The following KCNAB2 variants were observed in gnomAD, a reference collection of about 807,000 sequenced individuals.
KCNAB2 encodes voltage-gated potassium channel subunit beta-2.
KCNAB2 carries 29 observed loss-of-function variants against 63.6 expected under a neutral mutation model. The observed-to-expected ratio is 0.46, with a 90% CI of 0.34 to 0.62. KCNAB2 has a LOEUF of 0.62. Among genes scored for constraint, KCNAB2 ranks in the 20% least tolerant of loss-of-function variants. The probability of loss-of-function intolerance (pLI) is 0.01; values close to 1 mark genes in which losing one functional copy is unlikely to be tolerated. For missense variants in KCNAB2, 359 were observed against 563.9 expected (o/e 0.64, Z 3.68); for synonymous variants, 222 against 224.2 (o/e 0.99, Z 0.09).
chr1:6,056,333 C>CCG (rs1471906151), intron 2 of KCNAB2, among the ~76,000 whole-genome samples: 1 of 152,214 alleles, frequency 6.6e-6, no homozygotes, highest in Admixed American at 6.5e-5. Context: ...GCGTGAGCCA[C>CCG]CGCGCCCGGC....
upstream of KCNAB2, among the ~76,000 whole-genome samples, chr1:6,032,190 G>C (rs1659671636): frequency 1.3e-5 from 2 of 152,110 alleles, no homozygotes; most frequent in Admixed American, 1.3e-4. Flanking sequence ...AAAAACTGCA[G>C]TTGAGAAAAC....
chr1:6,002,615 G>A (rs542960718), intron 1 of KCNAB2, among the ~76,000 whole-genome samples: 1 of 152,354 alleles, frequency 6.6e-6, no homozygotes, highest in East Asian at 1.9e-4. Flanking sequence ...ACTTAATTAT[G>A]TGGAGGTAAA....
chr1:6,027,143 T>A (rs12037728), intron 1 of KCNAB2, among the ~76,000 whole-genome samples: 61,128 of 151,712 alleles, frequency 0.4, 12,980 homozygotes, highest in East Asian at 0.6. Flanking sequence ...ACTTGCCTCC[T>A]CCATTTCCCC....
chr1:6,086,245 G>A lies in KCNAB2; in HGVS notation c.425+997G>A, dbSNP rs142999618. ...AATCCCAGTGCCAAGGGGAGCCCCC[G>A]CCCCCTCCCCCATGGATTCCTGACA... On this transcript the variant is annotated intron_variant, in intron 6 of 15. Coordinates refer to ENST00000378083, the MANE Select transcript of KCNAB2 (RefSeq NM_001199862.2). This position sits in a 1 kb window ranked among gnomAD's most constrained non-coding sequence, Gnocchi z 4.2. 5.6e-4 allele frequency: 394 copies of A among 703,564 alleles called. 6 individuals are homozygous for A. The East Asian group carries it at 0.041, about 73-fold the overall frequency. The allele number at this position is 703,564 out of a possible 1,614,324, so 43.6% of individuals were successfully genotyped here. A position where few individuals can be genotyped will look rare whatever the true frequency, so the allele number is the denominator to read the frequency against.
At chr1:6,010,030 C>T (rs1341529933) in intron 1 of KCNAB2, among the ~76,000 whole-genome samples, 2 of 151,988 alleles carry the variant, frequency 1.3e-5, no homozygotes, top group South Asian at 2.1e-4. Context: ...ATCACCACAC[C>T]CAGCTAATTT....
In KCNAB2 at chr1:6,036,769, A is replaced by G. The variant is rs529208503; in HGVS notation, c.-53+1975A>G. ...GGCTTCTGATTGCTTGTGTTTTCTC[A>G]GGGGTCTGGGAAGCAGCAGTGGCAG... is the stretch of plus-strand genomic sequence containing the variant. On this transcript the variant is annotated intron_variant, in intron 1 of 15. Transcript: ENST00000164247. Among the ~76,000 whole-genome samples, 5 of 138,014 alleles carry G rather than the reference A, an allele frequency of 3.6e-5. No homozygotes were observed. The South Asian group carries it at 1.3e-3, about 36-fold the overall frequency. The allele number at this position is 138,014 out of a possible 152,430, so 90.5% of individuals were successfully genotyped here.
At chr1:6,092,238 A>T (rs1332294938) in intron 10 of KCNAB2, among the ~76,000 whole-genome samples, 1 of 152,226 alleles carries the variant, frequency 6.6e-6, no homozygotes, top group Non-Finnish European at 1.5e-5. Context: ...ACACTTGGGC[A>T]CAAGTGCAGG....
chr1:5,996,331 C>T (rs1287811422), intron 1 of KCNAB2, among the ~76,000 whole-genome samples: 1 of 152,220 alleles, frequency 6.6e-6, no homozygotes, highest in African/African-American at 2.4e-5. Flanking sequence ...TCCTGGGGAA[C>T]TCAGATGAAG....
rs1659048585 is a variant in KCNAB2 at position 6,024,937 on chromosome 1, G to A, written c.-52-15580G>A. On this transcript the variant is annotated intron_variant, in intron 1 of 16. Transcript: ENST00000341524. This position sits in a 1 kb window ranked among gnomAD's most constrained non-coding sequence, Gnocchi z 5.4. ...TTCTTGGGCCTCAATTTCCCCATCT[G>A]TAAAAAGCATGTCATAGTCAGGGTT... Among the ~76,000 whole-genome samples, 1 of 152,204 alleles carries A rather than the reference G, an allele frequency of 6.6e-6. No individual in the cohort carries two copies. Among genetic ancestry groups the A allele is most frequent in the Admixed American group, 6.5e-5 (1 of 15,282 alleles).
intron 1 of KCNAB2, among the ~76,000 whole-genome samples, chr1:6,019,791 G>A (rs1287710276): frequency 6.6e-6 from 1 of 152,140 alleles, no homozygotes; most frequent in Non-Finnish European, 1.5e-5. Context: ...AGGAGGGAAA[G>A]AAGCAAGGTT....
At chr1:6,044,613 G>A (rs72861077), upstream of KCNAB2, among the ~76,000 whole-genome samples, 4,719 of 152,230 alleles carry the variant, frequency 0.031, 241 homozygotes, top group African/African-American at 0.11. Context: ...AATGCCTAGC[G>A]ATGGGGCACA....
chr1:6,030,864 G>A (rs1208375926), upstream of KCNAB2, among the ~76,000 whole-genome samples: 1 of 148,226 alleles, frequency 6.7e-6, no homozygotes, highest in Non-Finnish European at 1.5e-5. Flanking sequence ...GTGTATGTAT[G>A]TGTAGGTGTG....
chr1:6,068,290 C>T lies in KCNAB2; in HGVS notation c.219-4465C>T, dbSNP rs112120367. On this transcript the variant is annotated intron_variant, in intron 2 of 15. Transcript: ENST00000378083. Reference sequence around the variant, plus strand: ...GTGTGCTTATGTGTGCATGCACACACGTGCGTGCTGGAGGCAGGGAGGGCA... The same window carrying T: ...GTGTGCTTATGTGTGCATGCACACATGTGCGTGCTGGAGGCAGGGAGGGCA... Among the ~76,000 whole-genome samples, 1,187 of 152,336 alleles carry T rather than the reference C, an allele frequency of 7.8e-3. 18 individuals carry two copies. Among genetic ancestry groups the T allele is most frequent in the Middle Eastern group, 0.027 (8 of 294 alleles).
chr1:6,081,390 T>C (rs2100708548), intron 4 of KCNAB2, among the ~76,000 whole-genome samples: 1 of 152,304 alleles, frequency 6.6e-6, no homozygotes, highest in South Asian at 2.1e-4. Context: ...AAAGATTCAA[T>C]GAGGTACAAC....
At chr1:6,017,071 C>T (rs534782520) in intron 1 of KCNAB2, among the ~76,000 whole-genome samples, 2 of 152,202 alleles carry the variant, frequency 1.3e-5, no homozygotes, top group South Asian at 2.1e-4. Context: ...CCGTACAGGC[C>T]GTCTGACTTC....
chr1:6,049,612 G>T (rs1010850927), intron 1 of KCNAB2, among the ~76,000 whole-genome samples: 1 of 152,222 alleles, frequency 6.6e-6, no homozygotes, highest in Admixed American at 6.5e-5. Context: ...GGGCCATCCA[G>T]CCCTGACCAG....
In KCNAB2 at chr1:6,087,734, G is replaced by A. The variant is rs1156259189; in HGVS notation, c.470+223G>A. Among the ~76,000 whole-genome samples, 1 of 152,254 alleles carries A rather than the reference G, an allele frequency of 6.6e-6. No individual in the cohort carries two copies. The highest frequency in any genetic ancestry group is 1.9e-4 in the East Asian group (1 of 5,196). On this transcript the variant is annotated intron_variant, in intron 7 of 15. Coordinates refer to ENST00000378083, the MANE Select transcript of KCNAB2 (RefSeq NM_001199862.2). This position sits in a 1 kb window ranked among gnomAD's most constrained non-coding sequence, Gnocchi z 6.4. ...TTTCTGCAGCCATCAGCTATGCCTG[G>A]TGCCTGTCCCTGTTAAGGGACGTCA...
At chr1:6,000,258 G>C (rs1296566417) in intron 1 of KCNAB2, among the ~76,000 whole-genome samples, 2 of 152,184 alleles carry the variant, frequency 1.3e-5, no homozygotes, top group Non-Finnish European at 2.9e-5. Flanking sequence ...AGGTATTCAG[G>C]TGTCACAGAC....
rs1273110759 is a variant in KCNAB2 at position 6,100,426 on chromosome 1, G to C, written c.*1852G>C. 5.8e-6 allele frequency: 1 copy of C among 173,006 alleles called. No homozygotes were observed. The highest frequency in any genetic ancestry group is 2.4e-5 in the African/African-American group (1 of 42,256). 10.7% of individuals were successfully genotyped at this position (173,006 alleles called of 1,614,324 possible). A position where few individuals can be genotyped will look rare whatever the true frequency, so the allele number is the denominator to read the frequency against. On this transcript the variant is annotated 3_prime_UTR_variant, in exon 16 of 16. Coordinates refer to ENST00000378083, the MANE Select transcript of KCNAB2 (RefSeq NM_001199862.2). ...CCAGCCTATGGCCCTGGGCCCAGGTGGGGGTCGCCTGCTTCCTTCCCGGAC... is the reference window on the plus strand; with the variant it reads ...CCAGCCTATGGCCCTGGGCCCAGGTCGGGGTCGCCTGCTTCCTTCCCGGAC...
Sources: gnomAD v4.1 joint callset for allele counts (sites outside exome capture counted in the v4.1 genomes callset) on GRCh38, gnomAD v4.1.1 for gene constraint, Gnocchi (gnomAD v3.1) non-coding constraint, MANE v1.5 for transcripts, NCBI Gene and HGNC (gene_info 2026-07-23, HGNC 2026-07-21) for gene names.